MIA3: variants seen among roughly 807,000 people sequenced by gnomAD.
MIA3 encodes the protein transport and Golgi organization protein 1 homolog.
In MIA3, 90 loss-of-function variants were observed where a neutral mutation model predicts 192.4. The ratio of observed to expected loss-of-function variants is 0.47; its 90% CI spans 0.39 to 0.56. MIA3 has a LOEUF of 0.56. Ranked by LOEUF, MIA3 falls within the 20% of genes least tolerant of loss-of-function variation. MIA3 has a pLI of 0.00. For missense variants in MIA3, 2,123 were observed against 2,269.4 expected, an observed-to-expected ratio of 0.94 and a Z score of 1.31; for synonymous variants, 740 against 792.8, an observed-to-expected ratio of 0.93 and a Z score of 1.12.
intron 7 of MIA3, among the ~76,000 whole-genome samples, chr1:222,647,519 C>CT (rs1219846443): frequency 6.6e-6 from 1 of 152,048 alleles, no homozygotes; most frequent in Non-Finnish European, 1.5e-5. Context: ...AAAGAAGGGT[C>CT]TTTTTTCCTG....
chr1:222,665,463 T>A lies in MIA3; in HGVS notation c.5568T>A (p.Pro1856=). Residue 1856 remains proline (P), a synonymous_variant, in exon 28 of 28, where the codon CCT becomes CCA. Transcript: ENST00000344922. ...TTGGCCCAAGAGAGTACTTTATTCC[T>A]GGTACCCGATTACCACCCCCAACCC... The part of the protein sequence containing the change: ...GSLGPREYFI[P]GTRLPPPTHG... The A allele has an allele frequency of 6.2e-7, 1 of 1,614,024 alleles. No homozygotes were observed. Among genetic ancestry groups the A allele is most frequent in the Non-Finnish European group, 8.5e-7 (1 of 1,179,996 alleles).
rs999031749 is a variant in MIA3, at chr1:222,628,072, T to G, written c.852T>G (p.Asp284Glu). Residue 284 changes from aspartate to glutamate, a missense_variant, in exon 4 of 28, where the codon GAT becomes GAG. Physicochemically the swap from Asp to Glu is conservative, Grantham distance 45 (BLOSUM62 2). This residue lies in a region of MIA3 where 1,357 missense variants were observed against 1,396.1 expected (regional missense o/e 0.97). Coordinates refer to ENST00000344922, the MANE Select transcript of MIA3 (RefSeq NM_198551.4). ...AAACCAAATTTGGCTCAACAGCTGA[T>G]GCACTTGTATCTGATGATGAGACAA... is the stretch of plus-strand genomic sequence containing the variant. ...DLKTKFGSTADALVSDDETTR... is the reference protein window; with the variant it reads ...DLKTKFGSTAEALVSDDETTR... The G allele has an allele frequency of 6.2e-7, 1 of 1,614,090 alleles. No individual in the cohort carries two copies. Among genetic ancestry groups the G allele is most frequent in the East Asian group, 2.2e-5 (1 of 44,876 alleles).
rs552173729 is a variant in MIA3 at position 222,628,618 on chromosome 1, A to G, written c.1398A>G (p.Gly466=). The G allele has an allele frequency of 6.2e-7, 1 of 1,613,942 alleles. No homozygotes were observed. The highest frequency in any genetic ancestry group is 1.1e-5 in the South Asian group (1 of 91,030). The change falls in exon 4 of 28, where the codon GGA becomes GGG. Residue 466 remains glycine, a synonymous_variant. Coordinates refer to ENST00000344922, the MANE Select transcript of MIA3 (RefSeq NM_198551.4). The part of the protein sequence containing the change: ...KEVNAEHHIK[G]KGRGVQESKR... ...TAAACGCAGAACATCACATTAAAGG[A>G]AAAGGGAGGGGAGTTCAGGAATCCA...
intron 18 of MIA3, 112 bp from the exon 19 acceptor site, chr1:222,658,610 T>C (rs1571906941): frequency 1.4e-6 from 1 of 727,180 alleles, no homozygotes; most frequent in East Asian, 2.8e-5. Flanking sequence ...TGACTTTGTA[T>C]AATCTATGCA....
intron 2 of MIA3, among the ~76,000 whole-genome samples, chr1:222,622,359 C>A (rs1661910008): frequency 6.6e-6 from 1 of 152,182 alleles, no homozygotes; most frequent in Admixed American, 6.5e-5. Flanking sequence ...TGGACTGTGT[C>A]TTTACTTCAA....
rs1024318514 is a variant in MIA3 at position 222,650,581 on chromosome 1, C to T, written c.3721-53C>T. ...GAGGTCAGTCACTTGAAAATAAGTT[C>T]TGGTAGCACTATACTTTATATTTCT... On this transcript the variant is annotated intron_variant, in intron 9 of 27. Coordinates refer to ENST00000344922, the MANE Select transcript of MIA3 (RefSeq NM_198551.4). 7 of 1,250,188 alleles carry T rather than the reference C, an allele frequency of 5.6e-6. No homozygotes were observed. In the African/African-American group the frequency reaches 6.1e-5, roughly 11 times the overall value. 77.4% of individuals were successfully genotyped at this position (1,250,188 alleles called of 1,614,324 possible). A position where few individuals can be genotyped will look rare whatever the true frequency, so the allele number is the denominator to read the frequency against.
intron 4 of MIA3, among the ~76,000 whole-genome samples, chr1:222,631,897 G>C (rs1185147699): frequency 6.6e-6 from 1 of 152,154 alleles, no homozygotes; most frequent in African/African-American, 2.4e-5. Context: ...GTGGGTGTAG[G>C]CTGATTTGCC....
chr1:222,629,108 C>T lies in MIA3; in HGVS notation c.1888C>T (p.Pro630Ser). ...EELVLKTQNQPRFSSPDEIDL... is the reference protein window; with the variant it reads ...EELVLKTQNQSRFSSPDEIDL... ...ATTAGTTCTTAAAACTCAAAACCAA[C>T]CTAGATTCTCCTCTCCAGATGAGAT... The change falls in exon 4 of 28, where the codon CCT becomes TCT. Residue 630 changes from proline (P) to serine (S), a missense_variant. Physicochemically the swap from Pro to Ser is moderately conservative, Grantham distance 74. Coordinates refer to ENST00000344922, the MANE Select transcript of MIA3 (RefSeq NM_198551.4). 1 of 1,614,206 alleles carries T rather than the reference C, an allele frequency of 6.2e-7. No individual in the cohort carries two copies. Among genetic ancestry groups the T allele is most frequent in the South Asian group, 1.1e-5 (1 of 91,088 alleles).
intron 3 of MIA3, among the ~76,000 whole-genome samples, chr1:222,626,688 T>C (rs565126407): frequency 6.6e-6 from 1 of 152,302 alleles, no homozygotes; most frequent in East Asian, 1.9e-4. Context: ...TGTTTTCAAG[T>C]TGTTCTTGTG....
intron 3 of MIA3, among the ~76,000 whole-genome samples, chr1:222,625,264 C>G (rs936782828): frequency 6.6e-6 from 1 of 152,214 alleles, no homozygotes; most frequent in South Asian, 2.1e-4. Flanking sequence ...CTCAGCCTCC[C>G]AAAGTGCTGG....
intron 6 of MIA3, among the ~76,000 whole-genome samples, chr1:222,642,873 C>T (rs768102766): frequency 6.6e-6 from 1 of 152,044 alleles, no homozygotes; most frequent in Non-Finnish European, 1.5e-5. Flanking sequence ...TTCATTACCT[C>T]AGCCCATTTT....
In MIA3 at chr1:222,666,968, T is replaced by G. The variant is rs1050125691; in HGVS notation, c.*1349T>G. 3.3e-5 allele frequency: 5 copies of G among 152,232 alleles called. No individual in the cohort carries two copies. Among genetic ancestry groups the G allele is most frequent in the African/African-American group, 1.2e-4 (5 of 41,474 alleles). The allele number at this position is 152,232 out of a possible 1,614,324, so 9.4% of individuals were successfully genotyped here. On this transcript the variant is annotated 3_prime_UTR_variant, in exon 28 of 28. Coordinates refer to ENST00000344922, the MANE Select transcript of MIA3 (RefSeq NM_198551.4). ...ACTAAAATCATAAAAGGCTGATACT[T>G]TTGTTTGCTGCTAGGCTATATTCTT...
intron 5 of MIA3, 72 bp downstream of exon 5, chr1:222,632,398 A>T: frequency 7.5e-7 from 1 of 1,329,564 alleles, no homozygotes; most frequent in South Asian, 1.3e-5. Context: ...TTCATTGTCA[A>T]AGGCAGGAGC....
intron 9 of MIA3, 100 bp from the exon 10 acceptor site, chr1:222,650,534 A>T (rs1663374247): frequency 2.2e-6 from 2 of 921,614 alleles, no homozygotes; most frequent in Admixed American, 4.6e-5. Flanking sequence ...TCATATGTGT[A>T]AAGTACTGTT....
intron 18 of MIA3, among the ~76,000 whole-genome samples, chr1:222,655,247 A>C (rs3008627): frequency 0.96 from 145,949 of 152,354 alleles, 69,944 homozygotes; most frequent in Admixed American, 0.98. Context: ...TTCACAGAGT[A>C]AAATATTCAA....
chr1:222,638,429 C>T (rs1303662589), intron 6 of MIA3, among the ~76,000 whole-genome samples: 2 of 152,074 alleles, frequency 1.3e-5, no homozygotes, highest in African/African-American at 4.8e-5. Flanking sequence ...AGGCCAGGCG[C>T]AGTGGCATCC....
In MIA3 at chr1:222,665,700, A is replaced by C. The variant is rs1664251576; in HGVS notation, c.*81A>C. 8.3e-7 allele frequency: 1 copy of C among 1,202,642 alleles called. No homozygotes were observed. Among genetic ancestry groups the C allele is most frequent in the Admixed American group, 2.9e-5 (1 of 33,946 alleles). 74.5% of individuals were successfully genotyped at this position (1,202,642 alleles called of 1,614,324 possible). A position where few individuals can be genotyped will look rare whatever the true frequency, so the allele number is the denominator to read the frequency against. On this transcript the variant is annotated 3_prime_UTR_variant, in exon 28 of 28. Coordinates refer to ENST00000344922, the MANE Select transcript of MIA3 (RefSeq NM_198551.4). ...CAGTAAAGGATTTCATTGGCTTCAA[A>C]ATCCAAAAGTTTATTTTAAAAGGTT...
At chr1:222,641,915 C>T (rs750510436) in intron 6 of MIA3, 32 of 418,814 alleles carry the variant, frequency 7.6e-5, no homozygotes, top group Non-Finnish European at 1.4e-4. Context: ...CTATAGATGA[C>T]AGATAAACAG....
In MIA3 at chr1:222,645,600, A is replaced by G. The variant is rs375608057; in HGVS notation, c.3524A>G (p.Tyr1175Cys). Residue 1175 changes from tyrosine (Y) to cysteine (C), a missense_variant, in exon 7 of 28, where the codon TAT becomes TGT. Physicochemically the swap from Tyr to Cys is radical, Grantham distance 194 (BLOSUM62 -2). This residue lies in a region of MIA3 where 1,357 missense variants were observed against 1,396.1 expected (regional missense o/e 0.97). Transcript: ENST00000344922. Reference protein sequence around the residue: ...PDDVQPGPDFYGLPWKPVFIT... With the variant: ...PDDVQPGPDFCGLPWKPVFIT... ...GATGTTCAGCCTGGGCCTGATTTTT[A>G]TGGACTGCCATGGAAACCTGTATTT... 1.9e-6 allele frequency: 3 copies of G among 1,613,650 alleles called. No homozygotes were observed. In the African/African-American group the frequency reaches 4.0e-5, roughly 22 times the overall value.
Sources: allele counts gnomAD v4.1 joint callset (sites outside exome capture counted in the v4.1 genomes callset), GRCh38; gene constraint gnomAD v4.1.1; regional missense constraint gnomAD v4.1.1; transcripts MANE v1.5; gene names NCBI Gene and HGNC (gene_info 2026-07-23, HGNC 2026-07-21).